The following CSMD1 variants were observed in gnomAD, a reference collection of about 807,000 sequenced individuals.
CSMD1 encodes the protein CUB and Sushi multiple domains 1.
In CSMD1, 213 loss-of-function variants were observed where a neutral mutation model predicts 417.5. The ratio of observed to expected loss-of-function variants is 0.51; its 90% CI spans 0.46 to 0.57. The LOEUF (loss-of-function observed/expected upper bound fraction) is 0.57, where lower values mean the gene tolerates loss of function less well. CSMD1 is among the 20% of genes least tolerant of loss of function. The probability of loss-of-function intolerance (pLI) is 0.00; values close to 1 mark genes in which losing one functional copy is unlikely to be tolerated. For missense variants in CSMD1, 6,923 were observed against 4,529.7 expected (o/e 1.53, Z -15.17); for synonymous variants, 2,862 against 1,736.8 (o/e 1.65, Z -16.11).
At chr8:3,546,335 A>C (rs1448113199) in intron 10 of CSMD1, among the ~76,000 whole-genome samples, 1 of 152,064 alleles carries the variant, frequency 6.6e-6, no homozygotes, top group Admixed American at 6.6e-5. Flanking sequence ...GGAGATCGAG[A>C]CCATCTTGGC....
intron 1 of CSMD1, among the ~76,000 whole-genome samples, chr8:4,659,137 A>G (rs1053507380): frequency 1.3e-5 from 2 of 152,176 alleles, no homozygotes; most frequent in Non-Finnish European, 2.9e-5. Context: ...GTCAAAGAAG[A>G]AATTCCATGA....
At chr8:3,562,131 C>T (rs528260846) in intron 10 of CSMD1, among the ~76,000 whole-genome samples, 1 of 112,552 alleles carries the variant, frequency 8.9e-6, no homozygotes, top group Non-Finnish European at 1.8e-5. Flanking sequence ...AAAATCCAAC[C>T]CACAAAAAAA....
intron 1 of CSMD1, among the ~76,000 whole-genome samples, chr8:4,657,333 G>A (rs546252662): frequency 1.3e-5 from 2 of 152,160 alleles, no homozygotes; most frequent in African/African-American, 2.4e-5. Context: ...TCAACTGGCA[G>A]ACTGAGAGAG....
At chr8:3,969,730 C>T (rs189179082) in intron 5 of CSMD1, among the ~76,000 whole-genome samples, 2 of 152,084 alleles carry the variant, frequency 1.3e-5, no homozygotes, top group South Asian at 2.1e-4. Context: ...ATAAAATAAC[C>T]ATGTGTAGAT....
At chr8:3,436,241 A>G (rs1336982893) in intron 12 of CSMD1, among the ~76,000 whole-genome samples, 1 of 152,208 alleles carries the variant, frequency 6.6e-6, no homozygotes, top group East Asian at 1.9e-4. Context: ...AGAAAATTAA[A>G]ATGTGACATG....
chr8:3,473,758 C>G (rs1285438968), intron 11 of CSMD1, among the ~76,000 whole-genome samples: 1 of 152,088 alleles, frequency 6.6e-6, no homozygotes, highest in Non-Finnish European at 1.5e-5. Flanking sequence ...ATGGGTGTAT[C>G]AGTCTACTCT....
chr8:4,349,135 C>A (rs1322482508), intron 3 of CSMD1, among the ~76,000 whole-genome samples: 1 of 152,148 alleles, frequency 6.6e-6, no homozygotes, highest in Non-Finnish European at 1.5e-5. Flanking sequence ...CAGTCTGAAT[C>A]CGAATACAGA....
At chr8:3,491,307 C>A (rs1585243969) in intron 11 of CSMD1, among the ~76,000 whole-genome samples, 2 of 152,114 alleles carry the variant, frequency 1.3e-5, no homozygotes, top group Non-Finnish European at 2.9e-5. Context: ...AATCCTTTAA[C>A]CTATCAAAAC....
At chr8:4,164,947 A>G (rs1797370430) in intron 3 of CSMD1, among the ~76,000 whole-genome samples, 2 of 152,018 alleles carry the variant, frequency 1.3e-5, no homozygotes, top group Non-Finnish European at 2.9e-5. Context: ...AGACTTCATT[A>G]TCTGTTTCAA....
intron 3 of CSMD1, among the ~76,000 whole-genome samples, chr8:4,326,953 T>G (rs936003579): frequency 6.6e-6 from 1 of 152,084 alleles, no homozygotes. Context: ...ACTTTGGAAG[T>G]GCAGGTGAAA....
At chr8:3,648,744 G>A (rs1162211773) in intron 7 of CSMD1, among the ~76,000 whole-genome samples, 4 of 152,110 alleles carry the variant, frequency 2.6e-5, no homozygotes, top group African/African-American at 4.8e-5. Context: ...TCATGTCTGT[G>A]CACCTGAGAC....
At chr8:3,884,171 G>C (rs1806396056) in intron 5 of CSMD1, among the ~76,000 whole-genome samples, 1 of 152,100 alleles carries the variant, frequency 6.6e-6, no homozygotes, top group South Asian at 2.1e-4. Context: ...AATGAACTCA[G>C]GTGGCTTTAA....
chr8:4,524,872 T>G (rs1387320715), intron 2 of CSMD1, among the ~76,000 whole-genome samples: 5 of 152,146 alleles, frequency 3.3e-5, no homozygotes, highest in Non-Finnish European at 7.4e-5. Flanking sequence ...TCTTTTAATT[T>G]TACCATGACT....
chr8:3,189,265 G>T (rs1287043907), intron 34 of CSMD1, among the ~76,000 whole-genome samples: 1 of 152,202 alleles, frequency 6.6e-6, no homozygotes, highest in African/African-American at 2.4e-5. Context: ...TCTAAGAAGG[G>T]ATGATGTCCA....
intron 4 of CSMD1, among the ~76,000 whole-genome samples, chr8:4,025,358 C>T (rs547761238): frequency 6.6e-6 from 1 of 152,180 alleles, no homozygotes; most frequent in Non-Finnish European, 1.5e-5. Flanking sequence ...ATTTGATCCT[C>T]TATTTCCCTG....
chr8:3,973,476 T>C (rs954244644), intron 5 of CSMD1, among the ~76,000 whole-genome samples: 1 of 152,232 alleles, frequency 6.6e-6, no homozygotes, highest in Non-Finnish European at 1.5e-5. Context: ...CTGAAGTTGT[T>C]TATTTTAAAA....
At chr8:3,701,004 GT>G (rs140604683) in intron 7 of CSMD1, among the ~76,000 whole-genome samples, 4,779 of 151,754 alleles carry the variant, frequency 0.031, 242 homozygotes, top group African/African-American at 0.11. Context: ...TGGTTTGGGG[GT>G]AACGAGAAAG....
intron 4 of CSMD1, among the ~76,000 whole-genome samples, chr8:4,017,716 G>C (rs1032484104): frequency 5.9e-5 from 9 of 151,990 alleles, no homozygotes; most frequent in African/African-American, 2.2e-4. Flanking sequence ...GATTGACTTT[G>C]TGCCTCGGCA....
At chr8:3,321,814 T>C (rs1475031746) in intron 23 of CSMD1, among the ~76,000 whole-genome samples, 2 of 152,192 alleles carry the variant, frequency 1.3e-5, no homozygotes, top group Non-Finnish European at 2.9e-5. Context: ...TTCAAAATCG[T>C]GAAAATAAAT....
Sources: gnomAD v4.1 joint callset for allele counts (sites outside exome capture counted in the v4.1 genomes callset) on GRCh38, gnomAD v4.1.1 for gene constraint, MANE v1.5 for transcripts, NCBI Gene and HGNC (gene_info 2026-07-23, HGNC 2026-07-21) for gene names.